Variants in KLHL32 observed in about 807,000 individuals in gnomAD.
KLHL32 encodes the protein kelch-like protein 32.
In KLHL32, 35 loss-of-function variants were observed where a neutral mutation model predicts 64.8. The observed-to-expected ratio is 0.54, with a 90% CI of 0.41 to 0.72. KLHL32 has a LOEUF of 0.72. KLHL32 is among the 30% of genes least tolerant of loss of function. The probability of loss-of-function intolerance (pLI) is 0.00; values close to 1 mark genes in which losing one functional copy is unlikely to be tolerated. For missense variants in KLHL32, 589 were observed against 768.5 expected (o/e 0.77, Z 2.76); for synonymous variants, 259 against 281.0 (o/e 0.92, Z 0.78).
intron 4 of KLHL32, among the ~76,000 whole-genome samples, chr6:97,053,344 C>T (rs974897315): frequency 1.3e-5 from 2 of 152,072 alleles, no homozygotes; most frequent in African/African-American, 2.4e-5. Flanking sequence ...ATTAGCTCTG[C>T]CTATGAAAAT....
At chr6:96,917,772 A>G in the KLHL32 span, among the ~76,000 whole-genome samples, 2 of 152,208 alleles carry the variant, frequency 1.3e-5, no homozygotes, top group African/African-American at 4.8e-5. Flanking sequence ...AAGTGAAGTC[A>G]GAGACAAGGA....
chr6:97,054,938 A>T (rs969319980), intron 4 of KLHL32, among the ~76,000 whole-genome samples: 1 of 151,922 alleles, frequency 6.6e-6, no homozygotes, highest in South Asian at 2.1e-4. Flanking sequence ...GATCCTGTCT[A>T]AAAAAAATAT....
intron 5 of KLHL32, among the ~76,000 whole-genome samples, chr6:97,073,224 A>G (rs985847268): frequency 6.6e-6 from 1 of 152,162 alleles, no homozygotes; most frequent in Non-Finnish European, 1.5e-5. Flanking sequence ...TATTGGACAA[A>G]TCTGTTCCTG....
rs1379103089 is a variant in KLHL32 at position 97,099,125 on chromosome 6, T to C, written c.627+13784T>C. ...TGAGTTCTGAGTTTCCCCACGTCTG[T>C]ACTTTTTATATCAAAGTCATCTCCA... On this transcript the variant is annotated intron_variant, in intron 6 of 10. Transcript: ENST00000369261. 3.3e-5 allele frequency among the ~76,000 whole-genome samples: 5 copies of C among 152,242 alleles called. No homozygotes were observed. The South Asian group carries it at 6.2e-4, about 19-fold the overall frequency.
intron 10 of KLHL32, among the ~76,000 whole-genome samples, chr6:97,138,646 T>G (rs1438341362): frequency 1.3e-5 from 2 of 152,160 alleles, no homozygotes; most frequent in African/African-American, 4.8e-5. Context: ...CGACTGAATT[T>G]TGAATTTGCT....
At chr6:97,121,126 C>A (rs745513563) in intron 7 of KLHL32, among the ~76,000 whole-genome samples, 3 of 152,212 alleles carry the variant, frequency 2.0e-5, no homozygotes, top group Admixed American at 6.5e-5. Flanking sequence ...GATTTACCCT[C>A]ACATCACTGC....
intron 3 of KLHL32, among the ~76,000 whole-genome samples, chr6:97,008,423 G>A (rs1779935631): frequency 6.6e-6 from 1 of 152,100 alleles, no homozygotes; most frequent in African/African-American, 2.4e-5. Context: ...ATCTCACAAG[G>A]AAGACCACCC....
At chr6:96,986,347 C>T (rs1050744808) in intron 3 of KLHL32, among the ~76,000 whole-genome samples, 5 of 152,172 alleles carry the variant, frequency 3.3e-5, no homozygotes, top group Non-Finnish European at 7.3e-5. Context: ...GCAGTCTGTC[C>T]GTTCTTAGAT....
intron 4 of KLHL32, among the ~76,000 whole-genome samples, chr6:97,056,015 A>G (rs2128141496): frequency 6.6e-6 from 1 of 150,410 alleles, no homozygotes; most frequent in South Asian, 2.1e-4. Context: ...AGTCACAAAT[A>G]TTGCCAAATC....
At chr6:96,924,416 G>A (rs1216148012), upstream of KLHL32, among the ~76,000 whole-genome samples, 1 of 150,786 alleles carries the variant, frequency 6.6e-6, no homozygotes, top group Non-Finnish European at 1.5e-5. Context: ...AGGGCGGCGT[G>A]GAGGAGGGTA....
At chr6:97,087,397 T>C (rs1195583210) in intron 6 of KLHL32, among the ~76,000 whole-genome samples, 1 of 152,148 alleles carries the variant, frequency 6.6e-6, no homozygotes, top group African/African-American at 2.4e-5. Context: ...TGCCAGAGGA[T>C]TAGTGTCAGG....
chr6:97,015,171 T>A (rs1780983390), intron 3 of KLHL32, among the ~76,000 whole-genome samples: 1 of 152,228 alleles, frequency 6.6e-6, no homozygotes, highest in African/African-American at 2.4e-5. Flanking sequence ...CAATTAAACC[T>A]CCTTTCTTTA....
At position 96,967,028 on chromosome 6, in the gene KLHL32, T is replaced by C; in HGVS notation, c.-33T>C. 6.2e-7 allele frequency: 1 copy of C among 1,610,248 alleles called. No homozygotes were observed. The highest frequency in any genetic ancestry group is 8.5e-7 in the Non-Finnish European group (1 of 1,176,700). On this transcript the variant is annotated 5_prime_UTR_variant, in exon 2 of 11. An upstream open reading frame in the 5' UTR loses its in-frame stop. Coordinates refer to ENST00000369261, the MANE Select transcript of KLHL32 (RefSeq NM_052904.4). ...GCTTGCTGATTCCTCTGCACACTTCTAAGGCTGAGAACCTGAGGAACCCAG... is the reference window on the plus strand; with the variant it reads ...GCTTGCTGATTCCTCTGCACACTTCCAAGGCTGAGAACCTGAGGAACCCAG...
intron 3 of KLHL32, among the ~76,000 whole-genome samples, chr6:97,017,130 T>A (rs564737747): frequency 1.6e-4 from 24 of 152,298 alleles, no homozygotes; most frequent in Admixed American, 1.2e-3. Flanking sequence ...ATGACTGGAA[T>A]TTGGTGAGTA....
intron 5 of KLHL32, among the ~76,000 whole-genome samples, chr6:97,082,470 G>A (rs1001975654): frequency 1.1e-4 from 17 of 152,000 alleles, no homozygotes; most frequent in East Asian, 1.9e-4. Context: ...AAAATTAGCC[G>A]GGCATGGTGG....
At chr6:96,981,248 G>T (rs1366151629) in intron 3 of KLHL32, among the ~76,000 whole-genome samples, 10 of 152,124 alleles carry the variant, frequency 6.6e-5, no homozygotes, top group Non-Finnish European at 1.2e-4. Context: ...CTTCTTATTG[G>T]TCTGTACAGG....
rs775531474 is a variant in KLHL32 at position 97,139,249 on chromosome 6, T to C, written c.1830T>C (p.Leu610=). Residue 610 remains leucine (L), a synonymous_variant, in exon 11 of 11, where the codon CTT becomes CTC. Transcript: ENST00000369261. ...TTACATGCCCTAACCTTCAAACTCT[T>C]CAAGTGCCTCATCACAGGATTGGCA... ...PYFTCPNLQT[L]QVPHHRIGTI 6.2e-7 allele frequency: 1 copy of C among 1,613,968 alleles called. No homozygotes were observed. Among genetic ancestry groups the C allele is most frequent in the Admixed American group, 1.7e-5 (1 of 60,018 alleles).
chr6:97,121,503 T>G (rs990115440), intron 7 of KLHL32, among the ~76,000 whole-genome samples: 6 of 152,124 alleles, frequency 3.9e-5, no homozygotes, highest in Non-Finnish European at 7.4e-5. Context: ...TTTCTAAAAT[T>G]TAAAATGTAA....
chr6:96,932,234 C>A, intron 1 of KLHL32, among the ~76,000 whole-genome samples: 1 of 136,754 alleles, frequency 7.3e-6, no homozygotes. Flanking sequence ...GATTTCAAAG[C>A]CTAAAGAAAT....
Sources: allele counts gnomAD v4.1 joint callset (sites outside exome capture counted in the v4.1 genomes callset), GRCh38; gene constraint gnomAD v4.1.1; transcripts MANE v1.5; gene names NCBI Gene and HGNC (gene_info 2026-07-23, HGNC 2026-07-21).